The following ARPP21 variants were observed in gnomAD, a reference collection of about 807,000 sequenced individuals.
ARPP21 encodes cAMP-regulated phosphoprotein 21.
ARPP21 carries 69 observed loss-of-function variants against 113.2 expected under a neutral mutation model. That is an observed-to-expected ratio of 0.61 (90% CI 0.50 to 0.74). The LOEUF (loss-of-function observed/expected upper bound fraction) is 0.74, where lower values mean the gene tolerates loss of function less well. ARPP21 is among the 30% of genes least tolerant of loss of function. The pLI is 0.00. For missense variants in ARPP21, 1,070 were observed against 1,037.4 expected (o/e 1.03, Z -0.43); for synonymous variants, 368 against 375.5 (o/e 0.98, Z 0.23).
intron 1 of ARPP21, among the ~76,000 whole-genome samples, chr3:35,663,010 CAG>C (rs1213449689): frequency 6.6e-6 from 1 of 151,988 alleles, no homozygotes; most frequent in Non-Finnish European, 1.5e-5. Flanking sequence ...TGTTTGATAA[CAG>C]AGTAGGGTGA....
intron 14 of ARPP21, among the ~76,000 whole-genome samples, chr3:35,728,768 A>G (rs902060194): frequency 6.6e-6 from 1 of 152,090 alleles, no homozygotes; most frequent in African/African-American, 2.4e-5. Flanking sequence ...CTACTCACAC[A>G]TGAAGGTAAA....
chr3:35,761,710 T>C (rs1357272431), intron 19 of ARPP21, among the ~76,000 whole-genome samples: 2 of 152,126 alleles, frequency 1.3e-5, no homozygotes, highest in African/African-American at 4.8e-5. Context: ...TAAGATGGAT[T>C]CCCAGTATAT....
At chr3:35,674,873 C>A (rs2077108816) in intron 1 of ARPP21, among the ~76,000 whole-genome samples, 1 of 151,808 alleles carries the variant, frequency 6.6e-6, no homozygotes, top group Non-Finnish European at 1.5e-5. Context: ...AGATAGCGGT[C>A]CTGTGAAAAA....
intron 15 of ARPP21, among the ~76,000 whole-genome samples, chr3:35,736,514 G>C (rs1347323617): frequency 1.3e-5 from 2 of 152,142 alleles, no homozygotes; most frequent in Admixed American, 6.5e-5. Flanking sequence ...ATTAATAATA[G>C]TAAACCATGC....
intron 8 of ARPP21, 127 bp from the exon 9 acceptor site, chr3:35,690,738 T>C: frequency 1.2e-6 from 1 of 827,794 alleles, no homozygotes; most frequent in African/African-American, 1.8e-5. Flanking sequence ...CATTAAGTGA[T>C]GCCAGAAATG....
chr3:35,642,735 A>C (rs1698586043), intron 1 of ARPP21, among the ~76,000 whole-genome samples: 1 of 152,146 alleles, frequency 6.6e-6, no homozygotes, highest in African/African-American at 2.4e-5. Flanking sequence ...CGAATAAAAT[A>C]ACTAATATGC....
chr3:35,753,770 T>G (rs1422568260), intron 19 of ARPP21, among the ~76,000 whole-genome samples: 1 of 151,988 alleles, frequency 6.6e-6, no homozygotes. Flanking sequence ...AGCGAGCTGT[T>G]AGTATTAACA....
chr3:35,700,683 T>C (rs969827479), intron 9 of ARPP21, among the ~76,000 whole-genome samples: 2 of 151,712 alleles, frequency 1.3e-5, no homozygotes, highest in East Asian at 3.9e-4. Flanking sequence ...GAATTCAACA[T>C]GCAAAGTATT....
chr3:35,755,882 T>C (rs1320221829), intron 19 of ARPP21, among the ~76,000 whole-genome samples: 1 of 152,114 alleles, frequency 6.6e-6, no homozygotes, highest in Non-Finnish European at 1.5e-5. Context: ...GTAAAAACTT[T>C]AGTGGTATTC....
intron 19 of ARPP21, chr3:35,744,398 C>A (rs957694591): frequency 4.3e-6 from 2 of 462,680 alleles, no homozygotes; most frequent in Non-Finnish European, 8.5e-6. Context: ...GACAATCCAG[C>A]GTGTCTCGGT....
At chr3:35,782,273 T>G (rs2096542076) in intron 19 of ARPP21, among the ~76,000 whole-genome samples, 1 of 152,230 alleles carries the variant, frequency 6.6e-6, no homozygotes, top group Admixed American at 6.5e-5. Context: ...TAATTTAGTT[T>G]GCAGTGGAGA....
chr3:35,683,885 G>T lies in ARPP21; in HGVS notation c.261+70G>T, dbSNP rs753405443. 4.1e-6 allele frequency: 4 copies of T among 965,894 alleles called. No homozygotes were observed. The Admixed American group carries it at 5.3e-5, about 13-fold the overall frequency. The allele number at this position is 965,894 out of a possible 1,614,324, so 59.8% of individuals were successfully genotyped here. On this transcript the variant is annotated intron_variant, in intron 5 of 20. Coordinates refer to ENST00000684406, the MANE Select transcript of ARPP21 (RefSeq NM_001385562.1). Reference sequence around the variant, plus strand: ...CCTTTGTGTGCATGACTCTTAATTTGGTGTTAAACAGTGTTTTGGGGGAGA... The same window carrying T: ...CCTTTGTGTGCATGACTCTTAATTTTGTGTTAAACAGTGTTTTGGGGGAGA...
chr3:35,699,569 C>G (rs1413410627), intron 9 of ARPP21, among the ~76,000 whole-genome samples: 1 of 151,686 alleles, frequency 6.6e-6, no homozygotes, highest in Non-Finnish European at 1.5e-5. Context: ...ATGTACAGCC[C>G]TTCAGGTACC....
At chr3:35,648,417 G>A (rs1475530609) in intron 1 of ARPP21, among the ~76,000 whole-genome samples, 1 of 152,134 alleles carries the variant, frequency 6.6e-6, no homozygotes, top group African/African-American at 2.4e-5. Context: ...TGGGAGCTGG[G>A]ACTAACAACA....
chr3:35,740,163 G>C (rs554215230), intron 18 of ARPP21, among the ~76,000 whole-genome samples: 1 of 152,202 alleles, frequency 6.6e-6, no homozygotes, highest in East Asian at 1.9e-4. Context: ...ACTTGAGCAT[G>C]TAAGACACCA....
At chr3:35,748,158 A>T (rs1018530249) in intron 19 of ARPP21, among the ~76,000 whole-genome samples, 3 of 146,562 alleles carry the variant, frequency 2.0e-5, no homozygotes, top group Admixed American at 1.4e-4. Context: ...AGAGAGAGAA[A>T]GAACAGAACA....
At position 35,667,841 on chromosome 3, in the gene ARPP21, A is replaced by AAGAAGAAGAAGAAG. The variant is rs1559547262; in HGVS notation, c.-212-11945_-212-11944insGAAGAAGAAGAAGA. 5.8e-4 allele frequency among the ~76,000 whole-genome samples: 47 copies of AAGAAGAAGAAGAAG among 81,518 alleles called. 5 individuals are homozygous for AAGAAGAAGAAGAAG. The highest frequency in any genetic ancestry group is 1.8e-3 in the African/African-American group (30 of 16,766). The allele number at this position is 81,518 out of a possible 152,430, so 53.5% of individuals were successfully genotyped here. A position where few individuals can be genotyped will look rare whatever the true frequency, so the allele number is the denominator to read the frequency against. ...GATCACCTGCAGTACTTTTATTCTC[A>AAGAAGAAGAAGAAG]AAGAAGAAGAAGAAGAAGAAGAAGA... is the stretch of plus-strand genomic sequence containing the variant. On this transcript the variant is annotated intron_variant, in intron 1 of 20. Coordinates refer to ENST00000684406, the MANE Select transcript of ARPP21 (RefSeq NM_001385562.1).
intron 19 of ARPP21, among the ~76,000 whole-genome samples, chr3:35,765,580 C>T (rs1289770114): frequency 6.6e-6 from 1 of 152,068 alleles, no homozygotes; most frequent in East Asian, 1.9e-4. Context: ...AACAAAACTC[C>T]ACCATTCCAA....
At chr3:35,701,533 T>C (rs1263352616) in intron 9 of ARPP21, among the ~76,000 whole-genome samples, 2 of 151,682 alleles carry the variant, frequency 1.3e-5, no homozygotes, top group Non-Finnish European at 2.9e-5. Context: ...CAGGTCTGAA[T>C]TGCGGGTGAT....
Sources: gnomAD v4.1 joint callset for allele counts (sites outside exome capture counted in the v4.1 genomes callset) on GRCh38, gnomAD v4.1.1 for gene constraint, MANE v1.5 for transcripts, NCBI Gene and HGNC (gene_info 2026-07-23, HGNC 2026-07-21) for gene names.